PROX1: variants seen among roughly 807,000 people sequenced by gnomAD.
PROX1 encodes the protein prospero homeobox protein 1.
Under a neutral mutation model 58.8 loss-of-function variants are expected in PROX1, and 7 were observed. The observed-to-expected ratio is 0.12, with a 90% CI of 0.07 to 0.22. The LOEUF is 0.22. PROX1 is among the 10% of genes least tolerant of loss of function. PROX1 has a pLI of 1.00. For missense variants in PROX1, 675 were observed against 927.8 expected, an observed-to-expected ratio of 0.73 and a Z score of 3.54; for synonymous variants, 350 against 358.3, an observed-to-expected ratio of 0.98 and a Z score of 0.26.
intron 2 of PROX1, among the ~76,000 whole-genome samples, chr1:214,000,879 T>G (rs1399779829): frequency 6.6e-6 from 1 of 152,154 alleles, no homozygotes; most frequent in African/African-American, 2.4e-5. Context: ...TGAAGAAATA[T>G]CTGGGAATCA....
chr1:213,997,243 C>A lies in PROX1; in HGVS notation c.708C>A (p.Arg236=), dbSNP rs1267871107. 6.2e-7 allele frequency: 1 copy of A among 1,612,784 alleles called. No individual in the cohort carries two copies. Among genetic ancestry groups the A allele is most frequent in the Non-Finnish European group, 8.5e-7 (1 of 1,179,488 alleles). ...SARKEQKREE[R]RQLKQQLEDM... ...GAAAAGAACAGAAGCGAGAGGAGCG[C>A]CGACAGCTGAAACAGCAGCTGGAGG... Residue 236 remains arginine (R), a synonymous_variant, in exon 2 of 5, where the codon CGC becomes CGA. Coordinates refer to ENST00000366958, the MANE Select transcript of PROX1 (RefSeq NM_001270616.2). The surrounding 1 kb of genome is among the most constrained non-coding windows in gnomAD (Gnocchi z 7.1).
At chr1:214,000,596 C>T (rs1387459748) in intron 2 of PROX1, among the ~76,000 whole-genome samples, 1 of 152,168 alleles carries the variant, frequency 6.6e-6, no homozygotes, top group Non-Finnish European at 1.5e-5. Flanking sequence ...ACATTTTCCA[C>T]CTTTTGGCCT....
intron 1 of PROX1, among the ~76,000 whole-genome samples, chr1:213,990,777 A>G (rs1000356958): frequency 6.6e-6 from 1 of 151,798 alleles, no homozygotes; most frequent in Non-Finnish European, 1.5e-5. Flanking sequence ...TCAGTTTGAA[A>G]GTGTTACTGT....
chr1:213,996,611 A>G lies in PROX1; in HGVS notation c.76A>G (p.Thr26Ala). The G allele has an allele frequency of 6.2e-7, 1 of 1,614,204 alleles. No homozygotes were observed. ...RRRVDIGVKR[T>A]VGTASAFFAK... is the part of the protein sequence containing the mutation. ...AAGAGTTGACATTGGAGTGAAAAGGACGGTAGGGACAGCATCTGCATTTTT... is the reference window on the plus strand; with the variant it reads ...AAGAGTTGACATTGGAGTGAAAAGGGCGGTAGGGACAGCATCTGCATTTTT... Residue 26 changes from threonine to alanine, a missense_variant, in exon 2 of 5, where the codon ACG becomes GCG. Physicochemically the swap from Thr to Ala is moderately conservative, Grantham distance 58 (BLOSUM62 0). Transcript: ENST00000366958.
rs553344052 is a variant in PROX1, at chr1:214,005,624, T to G, written c.1833+352T>G. Among the ~76,000 whole-genome samples, 17 of 152,304 alleles carry G rather than the reference T, an allele frequency of 1.1e-4. No homozygotes were observed. The South Asian group carries it at 3.5e-3, about 32-fold the overall frequency. On this transcript the variant is annotated intron_variant, in intron 3 of 4. Coordinates refer to ENST00000366958, the MANE Select transcript of PROX1 (RefSeq NM_001270616.2). The stretch of plus-strand genomic sequence containing the variant: ...CTCCCCTCAGCAACAGTAAACTGTT[T>G]CTGTTTTTGTTTCTGTTGGTTTCCC...
chr1:213,997,826 A>G lies in PROX1; in HGVS notation c.1291A>G (p.Ser431Gly), dbSNP rs770699705. The change falls in exon 2 of 5, where the codon AGT becomes GGT. Residue 431 changes from serine (S) to glycine (G), a missense_variant. Around this residue, in one of 8 missense-constraint regions of PROX1, gnomAD observed 403 missense variants for 477.4 expected, o/e 0.84. Coordinates refer to ENST00000366958, the MANE Select transcript of PROX1 (RefSeq NM_001270616.2). The surrounding 1 kb of genome is among the most constrained non-coding windows in gnomAD (Gnocchi z 7.1). Reference sequence around the variant, plus strand: ...CACCTTTGGCAATGTGCAGATGGCCAGTTCCACTGACCAGACAGAAGCACT... The same window carrying G: ...CACCTTTGGCAATGTGCAGATGGCCGGTTCCACTGACCAGACAGAAGCACT... ...LDTFGNVQMASSTDQTEALPL... is the reference protein window; with the variant it reads ...LDTFGNVQMAGSTDQTEALPL... 1 of 1,614,106 alleles carries G rather than the reference A, an allele frequency of 6.2e-7. No individual in the cohort carries two copies. Among genetic ancestry groups the G allele is most frequent in the African/African-American group, 1.3e-5 (1 of 74,944 alleles).
rs1663280443 is a variant in PROX1, at chr1:213,996,771, C to T, written c.236C>T (p.Ser79Leu). The change falls in exon 2 of 5, where the codon TCG (serine) becomes TTG (leucine). Residue 79 changes from serine (S) to leucine (L), a missense_variant. This residue lies in a region of PROX1 where 157 missense variants were observed against 197.8 expected (regional missense o/e 0.79). Transcript: ENST00000366958. ...VLRKLLKRAN[S>L]YEDAMMPFPG... is the part of the protein sequence containing the mutation. ...CGCAAGCTGCTGAAGAGGGCGAACT[C>T]GTATGAAGATGCCATGATGCCTTTT... 2 of 1,614,122 alleles carry T rather than the reference C, an allele frequency of 1.2e-6. No homozygotes were observed. Among genetic ancestry groups the T allele is most frequent in the Non-Finnish European group, 8.5e-7 (1 of 1,180,028 alleles).
chr1:214,025,003 T>G (rs945583426), intron 4 of PROX1, among the ~76,000 whole-genome samples: 1 of 152,240 alleles, frequency 6.6e-6, no homozygotes, highest in African/African-American at 2.4e-5. Context: ...ACAAAGTGAC[T>G]GGTATATGAT....
upstream of PROX1, chr1:213,985,144 G>C (rs76610728): frequency 6.6e-6 from 1 of 152,242 alleles, no homozygotes. Flanking sequence ...TAAGTTACTG[G>C]GGTTGTGTTG....
intron 3 of PROX1, among the ~76,000 whole-genome samples, chr1:214,006,407 T>C (rs976111118): frequency 6.6e-6 from 1 of 152,242 alleles, no homozygotes; most frequent in African/African-American, 2.4e-5. Context: ...TGTATCAACT[T>C]CAGCCTTTTA....
chr1:214,005,540 C>T (rs945973092), intron 3 of PROX1, among the ~76,000 whole-genome samples: 4 of 152,146 alleles, frequency 2.6e-5, no homozygotes, highest in African/African-American at 9.7e-5. Flanking sequence ...GTTTGAGTAG[C>T]TTCTTTGAAG....
chr1:214,020,993 T>C (rs1664260004), intron 4 of PROX1, among the ~76,000 whole-genome samples: 1 of 152,226 alleles, frequency 6.6e-6, no homozygotes, highest in Non-Finnish European at 1.5e-5. Flanking sequence ...AGAATATGCA[T>C]GTTGCAAATA....
At chr1:214,028,302 T>A (rs1664527861) in intron 4 of PROX1, among the ~76,000 whole-genome samples, 2 of 152,194 alleles carry the variant, frequency 1.3e-5, no homozygotes, top group South Asian at 2.1e-4. Flanking sequence ...AAATATAACA[T>A]CTTGCCCTTT....
chr1:213,997,941 T>C lies in PROX1; in HGVS notation c.1406T>C (p.Leu469Pro). 6.2e-7 allele frequency: 1 copy of C among 1,613,942 alleles called. No homozygotes were observed. The highest frequency in any genetic ancestry group is 8.5e-7 in the Non-Finnish European group (1 of 1,179,910). Residue 469 changes from leucine to proline, a missense_variant, in exon 2 of 5, where the codon CTC becomes CCC. By Grantham distance (98) the Leu-to-Pro change is moderately conservative (BLOSUM62 -3). Transcript: ENST00000366958. The surrounding 1 kb of genome is among the most constrained non-coding windows in gnomAD (Gnocchi z 7.1). ...CACCAGCCCCTGCACCAGTCGCCTC[T>C]CTCTGCCACCACGGGCTTCACCACG... ...GHHQPLHQSP[L>P]SATTGFTTST...
At chr1:214,005,336 C>T (rs927029875) in intron 3 of PROX1, 64 bp downstream of exon 3, 81 of 1,282,390 alleles carry the variant, frequency 6.3e-5, no homozygotes, top group African/African-American at 1.5e-4. Context: ...TTTGAACTCC[C>T]GGAAGTTAAT....
intron 4 of PROX1, among the ~76,000 whole-genome samples, chr1:214,013,694 G>A (rs1256679942): frequency 6.6e-6 from 1 of 152,150 alleles, no homozygotes; most frequent in Non-Finnish European, 1.5e-5. Flanking sequence ...GCTCCATTTA[G>A]CATCATCTAA....
intron 4 of PROX1, among the ~76,000 whole-genome samples, chr1:214,025,903 T>A (rs565655518): frequency 3.9e-4 from 60 of 152,158 alleles, no homozygotes; most frequent in Non-Finnish European, 7.6e-4. Context: ...ACCTCATGAT[T>A]CACCCGCCTC....
In PROX1 at chr1:213,997,216, C is replaced by T. The variant is rs2102695400; in HGVS notation, c.681C>T (p.Ala227=). 1.2e-6 allele frequency: 2 copies of T among 1,612,368 alleles called. No homozygotes were observed. Among genetic ancestry groups the T allele is most frequent in the East Asian group, 4.5e-5 (2 of 44,862 alleles). ...QQQSFQQLVS[A]RKEQKREERR... ...AGAGTTTCCAGCAGCTGGTTTCAGC[C>T]CGAAAAGAACAGAAGCGAGAGGAGC... The change falls in exon 2 of 5, where the codon GCC becomes GCT. Residue 227 remains alanine (A), a synonymous_variant. Transcript: ENST00000366958. This position sits in a 1 kb window ranked among gnomAD's most constrained non-coding sequence, Gnocchi z 7.1.
At chr1:214,021,671 A>G (rs1015313774) in intron 4 of PROX1, among the ~76,000 whole-genome samples, 10 of 152,190 alleles carry the variant, frequency 6.6e-5, no homozygotes, top group Admixed American at 2.0e-4. Flanking sequence ...TGCACACCCA[A>G]TGGGACTTTT....
Sources: allele counts gnomAD v4.1 joint callset (sites outside exome capture counted in the v4.1 genomes callset), GRCh38; gene constraint gnomAD v4.1.1; regional missense constraint gnomAD v4.1.1; non-coding constraint Gnocchi (gnomAD v3.1); transcripts MANE v1.5; gene names NCBI Gene and HGNC (gene_info 2026-07-23, HGNC 2026-07-21).